Variants in SV2B observed in about 807,000 individuals in gnomAD.
SV2B encodes the protein solute carrier family 22 member B2.
In SV2B, 41 loss-of-function variants were observed where a neutral mutation model predicts 73.9. The observed-to-expected ratio is 0.56, with a 90% confidence interval of 0.43 to 0.72. The LOEUF (loss-of-function observed/expected upper bound fraction) is 0.72, where lower values mean the gene tolerates loss of function less well. Ranked by LOEUF, SV2B falls within the 30% of genes least tolerant of loss-of-function variation. SV2B has a pLI of 0.00. For synonymous variants in SV2B, 314 were observed against 314.2 expected, an observed-to-expected ratio of 1.00 and a Z score of 0.01; for missense variants, 764 against 857.8, an observed-to-expected ratio of 0.89 and a Z score of 1.37.
intron 1 of SV2B, among the ~76,000 whole-genome samples, chr15:91,183,294 G>C (rs1464229578): frequency 2.0e-5 from 3 of 152,164 alleles, no homozygotes; most frequent in Non-Finnish European, 4.4e-5. Flanking sequence ...TCTTCTCTTG[G>C]ATTACCCAGA....
chr15:91,127,221 T>C (rs778759125), intron 1 of SV2B, among the ~76,000 whole-genome samples: 1 of 152,190 alleles, frequency 6.6e-6, no homozygotes, highest in Non-Finnish European at 1.5e-5. Context: ...AATGTTCTTT[T>C]TGCTTTCTTC....
intron 1 of SV2B, among the ~76,000 whole-genome samples, chr15:91,175,828 C>T (rs907047885): frequency 6.6e-6 from 1 of 151,194 alleles, no homozygotes; most frequent in Non-Finnish European, 1.5e-5. Flanking sequence ...AGACCAGATG[C>T]CGTGAATTTT....
chr15:91,259,451 G>A (rs1036171149), intron 5 of SV2B, among the ~76,000 whole-genome samples: 15 of 152,178 alleles, frequency 9.9e-5, no homozygotes, highest in Admixed American at 5.9e-4. Flanking sequence ...TCCAATGTCC[G>A]TGTTCACCCC....
At chr15:91,257,369 T>A (rs1304395765) in intron 4 of SV2B, among the ~76,000 whole-genome samples, 1 of 152,228 alleles carries the variant, frequency 6.6e-6, no homozygotes, top group Non-Finnish European at 1.5e-5. Context: ...CTGATCTCTG[T>A]GACTGCAAAA....
chr15:91,276,593 T>C (rs1435595923), intron 9 of SV2B, among the ~76,000 whole-genome samples: 3 of 152,002 alleles, frequency 2.0e-5, no homozygotes, highest in Non-Finnish European at 2.9e-5. Context: ...ATGAGCCTAA[T>C]AATGAGTCTA....
chr15:91,184,499 A>G (rs895217263), intron 1 of SV2B, among the ~76,000 whole-genome samples: 1 of 152,180 alleles, frequency 6.6e-6, no homozygotes, highest in African/African-American at 2.4e-5. Flanking sequence ...AATGCGCTCT[A>G]AAATATCCCC....
chr15:91,221,687 A>ATG (rs1353517391), intron 1 of SV2B, among the ~76,000 whole-genome samples: 9 of 73,316 alleles, frequency 1.2e-4, no homozygotes, highest in African/African-American at 1.9e-4. Context: ...ATTACCAAGC[A>ATG]TGTGCGCACA....
At chr15:91,233,807 T>G (rs982429732) in intron 2 of SV2B, among the ~76,000 whole-genome samples, 9 of 152,252 alleles carry the variant, frequency 5.9e-5, no homozygotes, top group African/African-American at 1.9e-4. Flanking sequence ...CCTCCACCCC[T>G]CTTTGCTTCT....
At chr15:91,205,905 C>T (rs1008450554) in intron 1 of SV2B, among the ~76,000 whole-genome samples, 1 of 152,178 alleles carries the variant, frequency 6.6e-6, no homozygotes, top group Admixed American at 6.5e-5. Flanking sequence ...AGAAAAACAG[C>T]TGTGTTAGGT....
chr15:91,230,244 TAAAAA>T (rs199512896), intron 2 of SV2B, among the ~76,000 whole-genome samples: 2 of 129,842 alleles, frequency 1.5e-5, no homozygotes, highest in South Asian at 5.0e-4. Context: ...TTGTCTCATT[TAAAAA>T]AAAAAAAAAA....
chr15:91,226,069 T>G lies in SV2B; in HGVS notation c.-195T>G. The G allele has an allele frequency of 1.7e-6, 1 of 600,168 alleles. No homozygotes were observed. Among genetic ancestry groups the G allele is most frequent in the South Asian group, 2.2e-5 (1 of 45,096 alleles). The allele number at this position is 600,168 out of a possible 1,614,324, so 37.2% of individuals were successfully genotyped here. A position where few individuals can be genotyped will look rare whatever the true frequency, so the allele number is the denominator to read the frequency against. On this transcript the variant is annotated 5_prime_UTR_variant, in exon 2 of 13. Coordinates refer to ENST00000394232, the MANE Select transcript of SV2B (RefSeq NM_001323032.3). ...CATCGAGTGCAAAAGGATATTTAGG[T>G]TGTCTTTGCACAAATCTGGTTGATT...
At chr15:91,211,252 C>A (rs894559025) in intron 1 of SV2B, among the ~76,000 whole-genome samples, 1 of 152,168 alleles carries the variant, frequency 6.6e-6, no homozygotes, top group Non-Finnish European at 1.5e-5. Context: ...CCCAGAACTT[C>A]CTTCCTTGCT....
chr15:91,268,736 C>A lies in SV2B; in HGVS notation c.1373+131C>A. The A allele has an allele frequency of 1.6e-6, 2 of 1,224,482 alleles. No homozygotes were observed. The highest frequency in any genetic ancestry group is 2.2e-6 in the Non-Finnish European group (2 of 898,202). 75.9% of individuals were successfully genotyped at this position (1,224,482 alleles called of 1,614,324 possible). A position where few individuals can be genotyped will look rare whatever the true frequency, so the allele number is the denominator to read the frequency against. On this transcript the variant is annotated intron_variant, in intron 9 of 12. Transcript: ENST00000394232. The surrounding 1 kb of genome is among the most constrained non-coding windows in gnomAD (Gnocchi z 4.4). ...AGCGCCAAGGCTGGTGTCATCATCA[C>A]AACCTGTCATGGCTGCCAGTGACGC...
chr15:91,198,962 A>G (rs1314742680), intron 1 of SV2B, among the ~76,000 whole-genome samples: 2 of 152,210 alleles, frequency 1.3e-5, no homozygotes, highest in Non-Finnish European at 2.9e-5. Flanking sequence ...CATATTCAGT[A>G]TTATCGAATA....
intron 1 of SV2B, among the ~76,000 whole-genome samples, chr15:91,159,283 T>C (rs7497672): frequency 0.34 from 52,000 of 151,950 alleles, 9,721 homozygotes; most frequent in East Asian, 0.64. Flanking sequence ...GTTCGGTCTT[T>C]TACAAATGAT....
At chr15:91,188,101 T>C (rs188869266) in intron 1 of SV2B, among the ~76,000 whole-genome samples, 2 of 152,074 alleles carry the variant, frequency 1.3e-5, no homozygotes, top group African/African-American at 2.4e-5. Context: ...AGTTTTTCTA[T>C]AGTCATCTTA....
chr15:91,149,311 C>T (rs1420902834), intron 1 of SV2B, among the ~76,000 whole-genome samples: 1 of 152,202 alleles, frequency 6.6e-6, no homozygotes, highest in Non-Finnish European at 1.5e-5. Flanking sequence ...GGAGTGGGCA[C>T]TGATGGTATC....
intron 1 of SV2B, among the ~76,000 whole-genome samples, chr15:91,150,543 C>T (rs1406005519): frequency 6.6e-6 from 1 of 152,174 alleles, no homozygotes; most frequent in Non-Finnish European, 1.5e-5. Flanking sequence ...AATTAATACA[C>T]ACTTGGATTT....
rs1185690578 is a variant in SV2B at position 91,197,450 on chromosome 15, C to T, written c.-391-28423C>T. Among the ~76,000 whole-genome samples, 1 of 151,694 alleles carries T rather than the reference C, an allele frequency of 6.6e-6. No individual in the cohort carries two copies. The highest frequency in any genetic ancestry group is 1.5e-5 in the Non-Finnish European group (1 of 67,930). On this transcript the variant is annotated intron_variant, in intron 1 of 12. Transcript: ENST00000394232. The surrounding 1 kb of genome is among the most constrained non-coding windows in gnomAD (Gnocchi z 4.9). ...TGTTGGTCAGGCTGGTCTCAAACTC[C>T]CGACTTCAGGTCATCCACCTGCCTC...
Sources: gnomAD v4.1 joint callset for allele counts (sites outside exome capture counted in the v4.1 genomes callset) on GRCh38, gnomAD v4.1.1 for gene constraint, Gnocchi (gnomAD v3.1) non-coding constraint, MANE v1.5 for transcripts, NCBI Gene and HGNC (gene_info 2026-07-23, HGNC 2026-07-21) for gene names.